Variants in EPHA7 observed in about 807,000 individuals in gnomAD.
EPHA7 encodes ephrin type-A receptor 7.
EPHA7 carries 25 observed loss-of-function variants against 112.6 expected under a neutral mutation model. The observed-to-expected ratio is 0.22, with a 90% CI of 0.16 to 0.31. The LOEUF is 0.31. Ranked by LOEUF, EPHA7 falls within the 10% of genes least tolerant of loss-of-function variation. The pLI is 1.00. For missense variants in EPHA7, 962 were observed against 1,212.6 expected, an observed-to-expected ratio of 0.79 and a Z score of 3.07; for synonymous variants, 437 against 406.5, an observed-to-expected ratio of 1.07 and a Z score of -0.90.
chr6:93,322,723 A>G (rs1236986899), intron 5 of EPHA7, among the ~76,000 whole-genome samples: 1 of 151,602 alleles, frequency 6.6e-6, no homozygotes, highest in Non-Finnish European at 1.5e-5. Flanking sequence ...AACTCATTGT[A>G]TCAAATAGGG....
intron 9 of EPHA7, 71 bp from the exon 10 acceptor site, chr6:93,259,550 A>T: frequency 6.3e-7 from 1 of 1,575,846 alleles, no homozygotes; most frequent in South Asian, 1.1e-5. Context: ...CAGGAATTTC[A>T]TTATGCAGAG....
At chr6:93,338,181 T>A (rs1774968458) in intron 5 of EPHA7, among the ~76,000 whole-genome samples, 1 of 152,112 alleles carries the variant, frequency 6.6e-6, no homozygotes, top group Non-Finnish European at 1.5e-5. Flanking sequence ...GGGACTGCTG[T>A]CATTCATATG....
chr6:93,355,592 A>G (rs1245514473), intron 5 of EPHA7, among the ~76,000 whole-genome samples: 1 of 152,204 alleles, frequency 6.6e-6, no homozygotes, highest in African/African-American at 2.4e-5. Flanking sequence ...ACTTTGTTGC[A>G]TTTACTACAT....
chr6:93,379,933 T>C (rs777971810), intron 3 of EPHA7, among the ~76,000 whole-genome samples: 3 of 152,080 alleles, frequency 2.0e-5, no homozygotes, highest in African/African-American at 7.2e-5. Flanking sequence ...AGAATCAATA[T>C]ATTTCCCAGT....
chr6:93,391,231 G>A (rs1299618626), intron 3 of EPHA7, among the ~76,000 whole-genome samples: 2 of 151,848 alleles, frequency 1.3e-5, no homozygotes, highest in Admixed American at 1.3e-4. Context: ...TCTGAAAGAT[G>A]GAACTACACC....
At chr6:93,255,700 AAGC>A (rs1271970139) in intron 13 of EPHA7, 125 bp downstream of exon 13, 3 of 774,126 alleles carry the variant, frequency 3.9e-6, no homozygotes, top group Admixed American at 5.8e-5. Context: ...AAAACAAAAA[AAGC>A]AACCTCAAAA....
chr6:93,255,909 G>A lies in EPHA7; in HGVS notation c.2301C>T (p.Asn767=), dbSNP rs765152244. The A allele has an allele frequency of 4.3e-6, 7 of 1,614,082 alleles. No homozygotes were observed. Among genetic ancestry groups the A allele is most frequent in the Non-Finnish European group, 5.9e-6 (7 of 1,180,004 alleles). Residue 767 remains asparagine (N), a synonymous_variant, in exon 13 of 17, where the codon AAC becomes AAT. Coordinates refer to ENST00000369303, the MANE Select transcript of EPHA7 (RefSeq NM_004440.4). ...CTGACACTTTACAAACGAGATTGCT[G>A]TTGACAAGAATATTGCGAGCTGCAA... ...RDLAARNILV[N]SNLVCKVSDF...
chr6:93,350,082 A>T (rs924062694), intron 5 of EPHA7, among the ~76,000 whole-genome samples: 2 of 152,038 alleles, frequency 1.3e-5, no homozygotes, highest in Non-Finnish European at 2.9e-5. Flanking sequence ...AGATCTGGGC[A>T]TTGAAAAACA....
chr6:93,313,350 A>G (rs1350715284), intron 5 of EPHA7, among the ~76,000 whole-genome samples: 2 of 152,136 alleles, frequency 1.3e-5, no homozygotes, highest in East Asian at 1.9e-4. Context: ...AGGAAAAAGT[A>G]GCATATAAGA....
intron 3 of EPHA7, among the ~76,000 whole-genome samples, chr6:93,395,560 A>G (rs1778125490): frequency 6.9e-6 from 1 of 145,356 alleles, no homozygotes; most frequent in Non-Finnish European, 1.5e-5. Flanking sequence ...GGATAAGGAT[A>G]TATCTTTACT....
At chr6:93,418,420 C>G (rs1431782025) in intron 1 of EPHA7, among the ~76,000 whole-genome samples, 3 of 152,256 alleles carry the variant, frequency 2.0e-5, no homozygotes, top group Admixed American at 1.3e-4. Flanking sequence ...ACTCGGATTC[C>G]TCAATTGCTG....
chr6:93,381,721 CT>C (rs1287153498), intron 3 of EPHA7, among the ~76,000 whole-genome samples: 1 of 75,150 alleles, frequency 1.3e-5, no homozygotes, highest in African/African-American at 5.5e-5. Flanking sequence ...AGATTTTTTT[CT>C]TTTTATTTCT....
At chr6:93,262,641 T>C (rs345727) in intron 9 of EPHA7, among the ~76,000 whole-genome samples, 81,859 of 150,996 alleles carry the variant, frequency 0.54, 22,962 homozygotes, top group South Asian at 0.78. Flanking sequence ...CATGCCCTTC[T>C]TATCATCAGA....
chr6:93,324,662 G>T (rs982978686), intron 5 of EPHA7, among the ~76,000 whole-genome samples: 13 of 151,378 alleles, frequency 8.6e-5, no homozygotes, highest in African/African-American at 3.1e-4. Context: ...AGCAAGTAGG[G>T]GAATTCCATT....
chr6:93,323,953 A>G (rs574637273), intron 5 of EPHA7, among the ~76,000 whole-genome samples: 2 of 151,638 alleles, frequency 1.3e-5, no homozygotes, highest in South Asian at 2.1e-4. Context: ...TTTCACATGT[A>G]TTAAATCATG....
chr6:93,278,326 T>A (rs1379267951), intron 5 of EPHA7, among the ~76,000 whole-genome samples: 1 of 151,994 alleles, frequency 6.6e-6, no homozygotes, highest in African/African-American at 2.4e-5. Context: ...ACCTCATAAA[T>A]TTTTATTTTA....
At chr6:93,272,510 G>A in intron 5 of EPHA7, 88 bp from the exon 6 acceptor site, 1 of 1,513,528 alleles carries the variant, frequency 6.6e-7, no homozygotes, top group East Asian at 2.3e-5. Context: ...CCCATGCTGT[G>A]CCAGTTTCAT....
Position 93,383,249 on chromosome 6 carries a change from CTT to C in EPHA7, c.833-24840_833-24839del, listed in dbSNP as rs67587042. 8.5e-3 allele frequency among the ~76,000 whole-genome samples: 1,199 copies of C among 141,818 alleles called. 18 individuals are homozygous for C. The highest frequency in any genetic ancestry group is 0.03 in the African/African-American group (1,109 of 37,250). The allele number at this position is 141,818 out of a possible 152,430, so 93.0% of individuals were successfully genotyped here. On this transcript the variant is annotated intron_variant, in intron 3 of 16. Coordinates refer to ENST00000369303, the MANE Select transcript of EPHA7 (RefSeq NM_004440.4). ...TACATATATATAAAATATACAATGA[CTT>C]ATATTGGAACTCGTGTGTGTGTGTG...
intron 9 of EPHA7, among the ~76,000 whole-genome samples, chr6:93,259,799 G>A (rs1388449741): frequency 6.6e-6 from 1 of 151,924 alleles, no homozygotes; most frequent in Non-Finnish European, 1.5e-5. Context: ...TCATGGCATA[G>A]TTCAAGCCAT....
Sources: allele counts gnomAD v4.1 joint callset (sites outside exome capture counted in the v4.1 genomes callset), GRCh38; gene constraint gnomAD v4.1.1; transcripts MANE v1.5; gene names NCBI Gene and HGNC (gene_info 2026-07-23, HGNC 2026-07-21).